Variants in CAMK1D observed in about 807,000 individuals in gnomAD.
CAMK1D encodes calcium/calmodulin dependent protein kinase ID.
CAMK1D carries 9 observed loss-of-function variants against 47.7 expected under a neutral mutation model. The ratio of observed to expected loss-of-function variants is 0.19; its 90% CI spans 0.11 to 0.33. CAMK1D has a LOEUF of 0.33. Ranked by LOEUF, CAMK1D falls within the 10% of genes least tolerant of loss-of-function variation. CAMK1D has a pLI of 1.00. For missense variants in CAMK1D, 291 were observed against 488.7 expected, an observed-to-expected ratio of 0.60 and a Z score of 3.81; for synonymous variants, 184 against 184.9, an observed-to-expected ratio of 0.99 and a Z score of 0.04.
intron 3 of CAMK1D, among the ~76,000 whole-genome samples, chr10:12,678,984 A>T (rs901856553): frequency 1.3e-5 from 2 of 152,126 alleles, no homozygotes; most frequent in African/African-American, 2.4e-5. Flanking sequence ...GTTGGTCTCG[A>T]ACTGCTGACC....
chr10:12,735,766 G>A (rs901780640), intron 3 of CAMK1D, among the ~76,000 whole-genome samples: 18 of 148,370 alleles, frequency 1.2e-4, no homozygotes, highest in Middle Eastern at 3.5e-3. Flanking sequence ...AGAGTTATGG[G>A]GTGGCACAGT....
At chr10:12,715,158 T>C (rs765106411) in intron 3 of CAMK1D, among the ~76,000 whole-genome samples, 11 of 152,174 alleles carry the variant, frequency 7.2e-5, no homozygotes, top group Non-Finnish European at 1.6e-4. Flanking sequence ...CTCCTTGAGA[T>C]CCACTTTCTC....
At chr10:12,387,377 TATATTA>T (rs1261644127) in intron 1 of CAMK1D, among the ~76,000 whole-genome samples, 6 of 33,292 alleles carry the variant, frequency 1.8e-4, no homozygotes, top group Non-Finnish European at 6.7e-4. Context: ...ATATATATTA[TATATTA>T]TATATATTAT....
intron 1 of CAMK1D, among the ~76,000 whole-genome samples, chr10:12,499,745 C>T (rs1034245118): frequency 6.6e-6 from 1 of 152,186 alleles, no homozygotes; most frequent in African/African-American, 2.4e-5. Flanking sequence ...TGAGGAAAGT[C>T]TTTCACAAGA....
At chr10:12,526,624 A>G (rs1457582123) in intron 1 of CAMK1D, among the ~76,000 whole-genome samples, 1 of 152,170 alleles carries the variant, frequency 6.6e-6, no homozygotes, top group Non-Finnish European at 1.5e-5. Flanking sequence ...AAGGAAGATA[A>G]AAATAATCAG....
chr10:12,697,902 T>C (rs1459403233), intron 3 of CAMK1D, among the ~76,000 whole-genome samples: 1 of 152,250 alleles, frequency 6.6e-6, no homozygotes, highest in Admixed American at 6.5e-5. Context: ...TTGCGGGCAG[T>C]GGAAGGCGGC....
intron 2 of CAMK1D, among the ~76,000 whole-genome samples, chr10:12,642,057 A>G (rs1352670722): frequency 6.6e-6 from 1 of 151,966 alleles, no homozygotes; most frequent in East Asian, 1.9e-4. Context: ...ATAAAAAAAA[A>G]AAAAAGAAAG....
chr10:12,789,508 A>C (rs1222260861), intron 5 of CAMK1D, among the ~76,000 whole-genome samples: 1 of 152,226 alleles, frequency 6.6e-6, no homozygotes, highest in Non-Finnish European at 1.5e-5. Flanking sequence ...TATCAGGTGC[A>C]CTTCATGGTA....
At chr10:12,409,221 G>A (rs932438718) in intron 1 of CAMK1D, among the ~76,000 whole-genome samples, 1 of 152,046 alleles carries the variant, frequency 6.6e-6, no homozygotes, top group African/African-American at 2.4e-5. Context: ...CTGTAATCGT[G>A]TATTCAGCAC....
chr10:12,794,667 T>A (rs1439595302), intron 6 of CAMK1D, among the ~76,000 whole-genome samples: 1 of 152,136 alleles, frequency 6.6e-6, no homozygotes, highest in Non-Finnish European at 1.5e-5. Context: ...CCACATCAAT[T>A]TCATGACACT....
At chr10:12,413,906 A>C (rs912438148) in intron 1 of CAMK1D, among the ~76,000 whole-genome samples, 1 of 152,210 alleles carries the variant, frequency 6.6e-6, no homozygotes, top group Admixed American at 6.5e-5. Flanking sequence ...TAGAAATCCA[A>C]ATGTATTAAA....
chr10:12,590,177 T>G (rs1350662022), intron 2 of CAMK1D, among the ~76,000 whole-genome samples: 1 of 152,164 alleles, frequency 6.6e-6, no homozygotes, highest in Non-Finnish European at 1.5e-5. Flanking sequence ...TATGCATATC[T>G]TTACTTCTCA....
chr10:12,550,868 G>C (rs997157591), intron 1 of CAMK1D, among the ~76,000 whole-genome samples: 1 of 152,250 alleles, frequency 6.6e-6, no homozygotes, highest in African/African-American at 2.4e-5. Context: ...CCATGTGCCA[G>C]TGGGAACGCT....
intron 6 of CAMK1D, among the ~76,000 whole-genome samples, chr10:12,794,047 T>A (rs891393419): frequency 6.6e-6 from 1 of 152,166 alleles, no homozygotes; most frequent in Non-Finnish European, 1.5e-5. Flanking sequence ...CGTTCGAGTA[T>A]TATCCCAGCC....
chr10:12,731,960 G>C (rs966093634), intron 3 of CAMK1D, among the ~76,000 whole-genome samples: 6 of 152,126 alleles, frequency 3.9e-5, no homozygotes, highest in African/African-American at 1.4e-4. Flanking sequence ...ATACCTTAGA[G>C]ATGCTGGGCA....
intron 6 of CAMK1D, among the ~76,000 whole-genome samples, chr10:12,799,219 C>T (rs535240688): frequency 2.0e-5 from 3 of 152,148 alleles, no homozygotes; most frequent in Admixed American, 6.5e-5. Flanking sequence ...GTCTCCTTGC[C>T]GTCCACGTTC....
chr10:12,385,571 AG>A (rs1431225556), intron 1 of CAMK1D, among the ~76,000 whole-genome samples: 1 of 152,172 alleles, frequency 6.6e-6, no homozygotes, highest in Non-Finnish European at 1.5e-5. Flanking sequence ...TACAGAAAGT[AG>A]ATTAGTGGTT....
Position 12,822,757 on chromosome 10 carries a change from C to G in CAMK1D, c.834-1708C>G, listed in dbSNP as rs191577399. Among the ~76,000 whole-genome samples, 579 of 152,310 alleles carry G rather than the reference C, an allele frequency of 3.8e-3. 1 individual carries two copies. The highest frequency in any genetic ancestry group is 0.013 in the African/African-American group (556 of 41,584). On this transcript the variant is annotated intron_variant, in intron 8 of 10. Transcript: ENST00000619168. Reference sequence around the variant, plus strand: ...CCAGGAGGAATCACTCCCTTGGGCTCTCCGGGGAAAAAAGCTTAATAAAGA... The same window carrying G: ...CCAGGAGGAATCACTCCCTTGGGCTGTCCGGGGAAAAAAGCTTAATAAAGA...
chr10:12,734,474 GTATATATACACATATGTA>G (rs1835080299), intron 3 of CAMK1D, among the ~76,000 whole-genome samples: 6 of 7,598 alleles, frequency 7.9e-4, no homozygotes, highest in Admixed American at 4.2e-3. Flanking sequence ...ACACATATGT[GTATATATACACATATGTA>G]TATATATACA....
Sources: allele counts gnomAD v4.1 joint callset (sites outside exome capture counted in the v4.1 genomes callset), GRCh38; gene constraint gnomAD v4.1.1; transcripts MANE v1.5; gene names NCBI Gene and HGNC (gene_info 2026-07-23, HGNC 2026-07-21).